EPB41L4B: variants seen among roughly 807,000 people sequenced by gnomAD.
The protein encoded by EPB41L4B is band 4.1-like protein 4B.
Under a neutral mutation model 112.5 loss-of-function variants are expected in EPB41L4B, and 30 were observed. The observed-to-expected ratio is 0.27, with a 90% CI of 0.20 to 0.36. The LOEUF is 0.36. Among genes scored for constraint, EPB41L4B ranks in the 10% least tolerant of loss-of-function variants. The probability of loss-of-function intolerance (pLI) is 1.00; values close to 1 mark genes in which losing one functional copy is unlikely to be tolerated. For missense variants in EPB41L4B, 1,024 were observed against 1,133.3 expected, an observed-to-expected ratio of 0.90 and a Z score of 1.38; for synonymous variants, 408 against 439.7, an observed-to-expected ratio of 0.93 and a Z score of 0.90.
chr9:109,215,979 C>G (rs1341553878), intron 16 of EPB41L4B, among the ~76,000 whole-genome samples: 2 of 152,124 alleles, frequency 1.3e-5, no homozygotes, highest in Non-Finnish European at 1.5e-5. Context: ...AATAAAATTT[C>G]TAATTGCTCA....
At chr9:109,189,669 C>A (rs1279893590) in intron 22 of EPB41L4B, among the ~76,000 whole-genome samples, 1 of 152,080 alleles carries the variant, frequency 6.6e-6, no homozygotes, top group Non-Finnish European at 1.5e-5. Flanking sequence ...ACTCTTGTTG[C>A]CCAGGCTGGA....
At chr9:109,279,958 G>A (rs1481979885) in intron 1 of EPB41L4B, 37 bp from the exon 2 acceptor site, 42 of 1,516,776 alleles carry the variant, frequency 2.8e-5, no homozygotes, top group Non-Finnish European at 3.4e-5. Context: ...AACTTAGGGT[G>A]AGACAGCTAG....
chr9:109,307,213 G>A (rs1458044529), intron 1 of EPB41L4B: 2 of 488,426 alleles, frequency 4.1e-6, no homozygotes, highest in Non-Finnish European at 8.1e-6. Flanking sequence ...TTAAAAGACA[G>A]CATTAAATTT....
Position 109,194,350 on chromosome 9 carries a change from G to T in EPB41L4B, c.2093C>A (p.Thr698Asn), listed in dbSNP as rs553368401. 100 of 1,614,180 alleles carry T rather than the reference G, an allele frequency of 6.2e-5. No homozygotes were observed. The East Asian group carries it at 2.1e-3, about 34-fold the overall frequency. Reference sequence around the variant, plus strand: ...TGTGGTGTTTGTGGTTGTAGATGTGGTCACTCCCACTGCCTCGGCCAGGTC... The same window carrying T: ...TGTGGTGTTTGTGGTTGTAGATGTGTTCACTCCCACTGCCTCGGCCAGGTC... Reference protein sequence around the residue: ...PPDLAEAVGVTTSTTTNTTTA... With the variant: ...PPDLAEAVGVNTSTTTNTTTA... The change falls in exon 21 of 26, where the codon ACC becomes AAC. Residue 698 changes from threonine to asparagine, a missense_variant. Coordinates refer to ENST00000374566, the MANE Select transcript of EPB41L4B (RefSeq NM_019114.5).
intron 5 of EPB41L4B, among the ~76,000 whole-genome samples, chr9:109,264,079 TAC>T (rs750269007): frequency 1.3e-5 from 2 of 151,692 alleles, no homozygotes; most frequent in Non-Finnish European, 2.9e-5. Flanking sequence ...TAAAAAAAAG[TAC>T]ACACACTCAT....
intron 1 of EPB41L4B, among the ~76,000 whole-genome samples, chr9:109,297,975 C>T (rs1836802542): frequency 6.6e-6 from 1 of 152,056 alleles, no homozygotes; most frequent in Non-Finnish European, 1.5e-5. Context: ...CATCACTATC[C>T]ATTCATCTGA....
At chr9:109,265,517 A>T (rs1311727692) in intron 4 of EPB41L4B, among the ~76,000 whole-genome samples, 1 of 115,924 alleles carries the variant, frequency 8.6e-6, no homozygotes, top group Non-Finnish European at 1.8e-5. Flanking sequence ...GTAACTGCAG[A>T]CTCTTTTAAA....
At chr9:109,300,571 T>G (rs1452461000) in intron 1 of EPB41L4B, 1 of 152,130 alleles carries the variant, frequency 6.6e-6, no homozygotes, top group Non-Finnish European at 1.5e-5. Flanking sequence ...AGACCACTTG[T>G]GTTCACGAGT....
intron 1 of EPB41L4B, among the ~76,000 whole-genome samples, chr9:109,296,899 G>A (rs1011948577): frequency 3.3e-5 from 5 of 151,354 alleles, no homozygotes; most frequent in African/African-American, 7.3e-5. Flanking sequence ...AATGAGGGAG[G>A]TGAGCTCATG....
At chr9:109,231,483 A>G (rs1392929315) in intron 15 of EPB41L4B, among the ~76,000 whole-genome samples, 1 of 152,236 alleles carries the variant, frequency 6.6e-6, no homozygotes, top group Admixed American at 6.5e-5. Context: ...AATTTATCAA[A>G]TATCTATTCA....
intron 15 of EPB41L4B, among the ~76,000 whole-genome samples, chr9:109,235,390 C>CTTTTT (rs758330838): frequency 4.9e-4 from 43 of 87,252 alleles, no homozygotes; most frequent in South Asian, 3.3e-3. Flanking sequence ...TTCAGCTAGA[C>CTTTTT]TTTTTTTTTT....
chr9:109,290,710 C>CATATATATATATAT (rs138734040), intron 1 of EPB41L4B, among the ~76,000 whole-genome samples: 2 of 145,898 alleles, frequency 1.4e-5, no homozygotes, highest in African/African-American at 5.1e-5. Flanking sequence ...GGAAACTAGC[C>CATATATATATATAT]ATATATATAT....
intron 15 of EPB41L4B, among the ~76,000 whole-genome samples, chr9:109,222,220 C>T (rs1798520363): frequency 6.6e-6 from 1 of 152,066 alleles, no homozygotes. Flanking sequence ...GAGAAAGAAA[C>T]AAATGAAAAG....
intron 1 of EPB41L4B, among the ~76,000 whole-genome samples, chr9:109,291,282 T>C (rs1836518052): frequency 6.6e-6 from 1 of 152,202 alleles, no homozygotes; most frequent in Non-Finnish European, 1.5e-5. Context: ...CAATATGCCT[T>C]GCAAACAAGA....
At chr9:109,255,196 ATACTGAAGAAT>A (rs1391133205) in intron 11 of EPB41L4B, among the ~76,000 whole-genome samples, 1 of 152,244 alleles carries the variant, frequency 6.6e-6, no homozygotes, top group South Asian at 2.1e-4. Context: ...ATGACTAGCG[ATACTGAAGAAT>A]TACATTGTAA....
At chr9:109,196,672 C>T (rs1438943732) in intron 20 of EPB41L4B, among the ~76,000 whole-genome samples, 7 of 143,098 alleles carry the variant, frequency 4.9e-5, no homozygotes, top group South Asian at 2.2e-4. Flanking sequence ...GGGCTGTGAT[C>T]GACCACTGCA....
chr9:109,251,576 C>A, intron 12 of EPB41L4B, 65 bp from the exon 13 acceptor site: 2 of 1,426,378 alleles, frequency 1.4e-6, no homozygotes, highest in South Asian at 2.3e-5. Flanking sequence ...CATGCAATGA[C>A]AGATAATGGC....
At chr9:109,314,900 T>C (rs755732015) in intron 1 of EPB41L4B, among the ~76,000 whole-genome samples, 1 of 152,238 alleles carries the variant, frequency 6.6e-6, no homozygotes, top group East Asian at 1.9e-4. Context: ...TTCAACCTCC[T>C]GCGGGTCCCT....
At chr9:109,213,611 C>G in intron 17 of EPB41L4B, 89 bp downstream of exon 17, 1 of 1,063,782 alleles carries the variant, frequency 9.4e-7, no homozygotes, top group Non-Finnish European at 1.4e-6. Context: ...GGCAAAGGCA[C>G]TTGGTTTAGC....
Sources: allele counts gnomAD v4.1 joint callset (sites outside exome capture counted in the v4.1 genomes callset), GRCh38; gene constraint gnomAD v4.1.1; transcripts MANE v1.5; gene names NCBI Gene and HGNC (gene_info 2026-07-23, HGNC 2026-07-21).